VMA12: variants seen among roughly 807,000 people sequenced by gnomAD.
VMA12 encodes the protein vacuolar ATPase assembly protein VMA12.
the VMA12 span, chr17:28,360,752 C>T: frequency 6.2e-7 from 1 of 1,614,086 alleles, no homozygotes; most frequent in Non-Finnish European, 8.5e-7. Flanking sequence ...ATTGAAGGCT[C>T]TGGTCATCAC....
chr17:28,363,541 G>A, the VMA12 span: 1 of 152,174 alleles, frequency 6.6e-6, no homozygotes, highest in Non-Finnish European at 1.5e-5. Flanking sequence ...TTGGAGATTA[G>A]TTGGTATTAC....
the VMA12 span, among the ~76,000 whole-genome samples, chr17:28,358,743 T>C: frequency 1.3e-5 from 2 of 152,220 alleles, no homozygotes; most frequent in Admixed American, 6.5e-5. Context: ...CACTGGGAGA[T>C]ACCTACATGG....
At chr17:28,362,167 T>G in the VMA12 span, 1 of 152,220 alleles carries the variant, frequency 6.6e-6, no homozygotes, top group Non-Finnish European at 1.5e-5. Context: ...TGGTTCACTG[T>G]ATGTACTCCT....
chr17:28,359,123 T>A, the VMA12 span: 3 of 990,834 alleles, frequency 3.0e-6, no homozygotes, highest in Non-Finnish European at 4.4e-6. Flanking sequence ...GAGCCAGATA[T>A]TGTCCTCCCC....
chr17:28,360,702 A>C, the VMA12 span: 11 of 1,608,860 alleles, frequency 6.8e-6, no homozygotes, highest in Non-Finnish European at 9.4e-6. Flanking sequence ...AGAATGTTGA[A>C]CTAAAGGTGC....
the VMA12 span, chr17:28,358,070 T>C: frequency 1.5e-6 from 1 of 652,376 alleles, no homozygotes; most frequent in East Asian, 2.8e-5. Flanking sequence ...CAAATTTGCT[T>C]GTGCAGTTTC....
At chr17:28,358,104 C>G in the VMA12 span, 1 of 573,590 alleles carries the variant, frequency 1.7e-6, no homozygotes, top group Non-Finnish European at 3.1e-6. Context: ...GCCCCCTCTT[C>G]ACTTCCAGGC....
chr17:28,361,900 C>T, the VMA12 span: 1 of 152,510 alleles, frequency 6.6e-6, no homozygotes, highest in Non-Finnish European at 1.5e-5. Context: ...TCACTATGGT[C>T]CTTCTTCTGT....
the VMA12 span, chr17:28,362,968 G>A: frequency 2.0e-5 from 3 of 152,242 alleles, no homozygotes; most frequent in Admixed American, 1.3e-4. Context: ...CAGGAGGTGG[G>A]AAGAACAAGA....
the VMA12 span, chr17:28,360,788 G>C: frequency 6.8e-6 from 11 of 1,614,066 alleles, no homozygotes. Context: ...TGTCACGGTG[G>C]TTGCTGCCTT....
At chr17:28,358,040 T>C in the VMA12 span, 1 of 748,080 alleles carries the variant, frequency 1.3e-6, no homozygotes, top group Non-Finnish European at 2.1e-6. Context: ...TTAACTCCCA[T>C]GGGAATTTCT....
At chr17:28,357,980 A>T in the VMA12 span, 5 of 1,299,076 alleles carry the variant, frequency 3.8e-6, no homozygotes, top group Admixed American at 8.1e-5. Flanking sequence ...CGGAGCACTC[A>T]TCTAGACAAG....
the VMA12 span, chr17:28,361,480 C>T: frequency 7.6e-5 from 40 of 524,648 alleles, no homozygotes; most frequent in Admixed American, 1.3e-4. Context: ...AAGAACTGGT[C>T]TTGGTCTATC....
the VMA12 span, chr17:28,357,988 A>C: frequency 5.1e-6 from 6 of 1,184,202 alleles, no homozygotes; most frequent in Non-Finnish European, 7.1e-6. Flanking sequence ...TCATCTAGAC[A>C]AGTCAAGAGT....
chr17:28,360,551 T>C, the VMA12 span: 9 of 1,614,204 alleles, frequency 5.6e-6, no homozygotes, highest in South Asian at 8.8e-5. Flanking sequence ...GGTGGGACTC[T>C]CAGCGACCTG....
chr17:28,358,086 T>C, the VMA12 span: 1 of 602,414 alleles, frequency 1.7e-6, no homozygotes, highest in East Asian at 2.8e-5. Flanking sequence ...GTTTCTGCTC[T>C]TTTGAGAGCC....
At chr17:28,360,618 G>T in the VMA12 span, 1 of 1,610,096 alleles carries the variant, frequency 6.2e-7, no homozygotes, top group African/African-American at 1.3e-5. Context: ...CCTGAGATGG[G>T]TCATGACACT....
the VMA12 span, chr17:28,358,203 A>G: frequency 4.9e-6 from 2 of 412,306 alleles, no homozygotes; most frequent in South Asian, 2.1e-5. Flanking sequence ...TCTCCACTTT[A>G]GGAATCAGCT....
chr17:28,361,100 G>T, the VMA12 span: 2 of 1,541,188 alleles, frequency 1.3e-6, no homozygotes, highest in East Asian at 2.2e-5. Context: ...AAAGTTGCTG[G>T]GGTACAGAGC....
Sources: allele counts gnomAD v4.1 joint callset (sites outside exome capture counted in the v4.1 genomes callset), GRCh38; gene constraint gnomAD v4.1.1; transcripts MANE v1.5; gene names NCBI Gene and HGNC (gene_info 2026-07-23, HGNC 2026-07-21).